TMEM131L: variants seen among roughly 807,000 people sequenced by gnomAD.
TMEM131L encodes the protein transmembrane protein 131-like.
Under a neutral mutation model 192.2 loss-of-function variants are expected in TMEM131L, and 54 were observed. That is an observed-to-expected ratio of 0.28 (90% confidence interval 0.23 to 0.35). The LOEUF is 0.35. Among genes scored for constraint, TMEM131L ranks in the 10% least tolerant of loss-of-function variants. The pLI is 1.00. For synonymous variants in TMEM131L, 701 were observed against 704.9 expected, an observed-to-expected ratio of 0.99 and a Z score of 0.09; for missense variants, 1,888 against 1,972.9, an observed-to-expected ratio of 0.96 and a Z score of 0.82.
Position 153,602,668 on chromosome 4 carries a change from C to T in TMEM131L, c.2580C>T (p.Asp860=), listed in dbSNP as rs571101354. Residue 860 remains aspartate (D), a synonymous_variant, in exon 23 of 35, where the codon GAC becomes GAT. Transcript: ENST00000409959. The stretch of plus-strand genomic sequence containing the variant: ...ATCACCTGTTGCCCTTGTGTGCAGA[C>T]GTGGTTCCAGGACCCAGCTGGGAGG... ...LPHHLLPLCA[D]VVPGPSWEES... 25 of 1,614,112 alleles carry T rather than the reference C, an allele frequency of 1.5e-5. No homozygotes were observed. The highest frequency in any genetic ancestry group is 1.1e-4 in the East Asian group (5 of 44,882).
At chr4:153,565,865 G>A (rs941480175) in intron 7 of TMEM131L, among the ~76,000 whole-genome samples, 3 of 152,196 alleles carry the variant, frequency 2.0e-5, no homozygotes, top group Admixed American at 1.3e-4. Flanking sequence ...GGTTTATGTT[G>A]TGTTAGGCTC....
At chr4:153,525,949 C>T (rs1003441322) in intron 3 of TMEM131L, among the ~76,000 whole-genome samples, 3 of 152,020 alleles carry the variant, frequency 2.0e-5, no homozygotes, top group African/African-American at 4.8e-5. Context: ...CTCTGCCTCC[C>T]GGGTTCAAGT....
rs567570571 is a variant in TMEM131L, at chr4:153,580,818, T to G, written c.661-8T>G. 6.3e-7 allele frequency: 1 copy of G among 1,593,232 alleles called. No individual in the cohort carries two copies. The highest frequency in any genetic ancestry group is 1.3e-5 in the African/African-American group (1 of 74,388). On this transcript the variant is annotated splice_region_variant and splice_polypyrimidine_tract_variant and intron_variant, in intron 7 of 34. Coordinates refer to ENST00000409959, the MANE Select transcript of TMEM131L (RefSeq NM_001131007.2). ...TAAAGTTCTTTTCCTCCTTTTTTCTTCTTTTAGGCAGAAACCACTAATACT... is the reference window on the plus strand; with the variant it reads ...TAAAGTTCTTTTCCTCCTTTTTTCTGCTTTTAGGCAGAAACCACTAATACT...
chr4:153,488,558 A>G (rs1421550724), intron 3 of TMEM131L, among the ~76,000 whole-genome samples: 6 of 152,224 alleles, frequency 3.9e-5, no homozygotes, highest in Non-Finnish European at 8.8e-5. Context: ...CTCCCCAGCC[A>G]CACAGCAACC....
At chr4:153,543,981 C>A (rs1736984034) in intron 3 of TMEM131L, among the ~76,000 whole-genome samples, 1 of 151,396 alleles carries the variant, frequency 6.6e-6, no homozygotes, top group Admixed American at 6.6e-5. Flanking sequence ...ACTTAGTTAC[C>A]TTTCTTGAGG....
chr4:153,577,738 A>G (rs1730053167), intron 7 of TMEM131L, among the ~76,000 whole-genome samples: 1 of 152,190 alleles, frequency 6.6e-6, no homozygotes. Context: ...TTGTTTGAGG[A>G]GAGTATGAGA....
intron 2 of TMEM131L, among the ~76,000 whole-genome samples, chr4:153,468,378 G>GC (rs141734728): frequency 0.055 from 8,398 of 152,120 alleles, 718 homozygotes; most frequent in African/African-American, 0.19. Flanking sequence ...TTGAGAAAGG[G>GC]CCCCATCAGG....
Position 153,603,836 on chromosome 4 carries a change from C to T in TMEM131L, c.2824C>T (p.Pro942Ser), listed in dbSNP as rs562530080. 1 of 1,606,968 alleles carries T rather than the reference C, an allele frequency of 6.2e-7. No individual in the cohort carries two copies. ...CAAGAACTTTCTCGATACATATGGC[C>T]CCTCTGATAAAGGCAGGGGGAAGAA... is the stretch of plus-strand genomic sequence containing the variant. ...NCKNFLDTYG[P>S]SDKGRGKNCL... The change falls in exon 25 of 35, where the codon CCC becomes TCC. Residue 942 changes from proline (P) to serine (S), a missense_variant. Transcript: ENST00000409959.
intron 3 of TMEM131L, among the ~76,000 whole-genome samples, chr4:153,520,628 T>C (rs897252009): frequency 6.6e-6 from 1 of 152,242 alleles, no homozygotes; most frequent in African/African-American, 2.4e-5. Flanking sequence ...CCTCTGTCAG[T>C]AATTTGGGGG....
At chr4:153,563,456 CTTTTTTTTTT>C (rs1177255196) in intron 7 of TMEM131L, among the ~76,000 whole-genome samples, 52 of 88,210 alleles carry the variant, frequency 5.9e-4, no homozygotes, top group African/African-American at 2.0e-3. Context: ...GATATGTACC[CTTTTTTTTTT>C]TTTTTTTTTT....
At chr4:153,480,582 T>C (rs1487481430) in intron 3 of TMEM131L, among the ~76,000 whole-genome samples, 2 of 152,040 alleles carry the variant, frequency 1.3e-5, no homozygotes, top group African/African-American at 4.8e-5. Flanking sequence ...CTCACATTTT[T>C]TAACCTGAAG....
intron 7 of TMEM131L, among the ~76,000 whole-genome samples, chr4:153,576,105 G>A (rs1057238867): frequency 3.9e-5 from 6 of 151,902 alleles, no homozygotes; most frequent in East Asian, 1.9e-4. Flanking sequence ...GACTACAGGC[G>A]CCCGCCACCA....
At position 153,478,886 on chromosome 4, in the gene TMEM131L, T is replaced by A. The variant is rs1038178889; in HGVS notation, c.239+4998T>A. Among the ~76,000 whole-genome samples, 4 of 148,824 alleles carry A rather than the reference T, an allele frequency of 2.7e-5. No individual in the cohort carries two copies. The South Asian group carries it at 8.4e-4, about 31-fold the overall frequency. On this transcript the variant is annotated intron_variant, in intron 3 of 34. Coordinates refer to ENST00000409959, the MANE Select transcript of TMEM131L (RefSeq NM_001131007.2). The stretch of plus-strand genomic sequence containing the variant: ...CGATACCAGCTTAATGAAGGTCAGG[T>A]GGACTTAAAGTTAATAGAAGAGCAC...
intron 3 of TMEM131L, among the ~76,000 whole-genome samples, chr4:153,484,500 G>A (rs1732168572): frequency 6.7e-6 from 1 of 149,264 alleles, no homozygotes; most frequent in Non-Finnish European, 1.5e-5. Flanking sequence ...ACAGAGTCTC[G>A]CTCTGCCACC....
intron 25 of TMEM131L, among the ~76,000 whole-genome samples, chr4:153,611,792 G>GC (rs1330273350): frequency 6.6e-6 from 1 of 152,194 alleles, no homozygotes; most frequent in Non-Finnish European, 1.5e-5. Flanking sequence ...CCATGTTGTA[G>GC]CATGTGCCAG....
At chr4:153,541,297 G>C (rs1455536638) in intron 3 of TMEM131L, among the ~76,000 whole-genome samples, 1 of 152,220 alleles carries the variant, frequency 6.6e-6, no homozygotes, top group East Asian at 1.9e-4. Context: ...AATGTGGTAA[G>C]AGTAAATATG....
intron 7 of TMEM131L, among the ~76,000 whole-genome samples, chr4:153,578,557 G>C: frequency 7.1e-6 from 1 of 140,816 alleles, no homozygotes; most frequent in Non-Finnish European, 1.5e-5. Context: ...GTCTCGTTCT[G>C]TCGCCCAGGC....
intron 3 of TMEM131L, among the ~76,000 whole-genome samples, chr4:153,536,906 G>A (rs977125239): frequency 3.3e-5 from 5 of 152,296 alleles, no homozygotes; most frequent in Admixed American, 2.6e-4. Context: ...TCCAGCACGG[G>A]AGAAAGCATA....
At chr4:153,552,407 A>G (rs1355023037) in intron 4 of TMEM131L, among the ~76,000 whole-genome samples, 1 of 152,176 alleles carries the variant, frequency 6.6e-6, no homozygotes, top group Non-Finnish European at 1.5e-5. Flanking sequence ...GTCGATGCAC[A>G]TGGGGGTATG....
Sources: allele counts gnomAD v4.1 joint callset (sites outside exome capture counted in the v4.1 genomes callset), GRCh38; gene constraint gnomAD v4.1.1; transcripts MANE v1.5; gene names NCBI Gene and HGNC (gene_info 2026-07-23, HGNC 2026-07-21).